The following MAD1L1 variants were observed in gnomAD, a reference collection of about 807,000 sequenced individuals.
MAD1L1 encodes mitotic arrest deficient 1 like 1.
A neutral mutation model predicts 96.9 loss-of-function variants in MAD1L1; 95 were observed. The ratio of observed to expected loss-of-function variants is 0.98; its 90% CI spans 0.83 to 1.16. The LOEUF (loss-of-function observed/expected upper bound fraction) is 1.16. MAD1L1 is among the 50% of genes most tolerant of loss of function. The probability of loss-of-function intolerance (pLI) is 0.00; values close to 1 mark genes in which losing one functional copy is unlikely to be tolerated. For synonymous variants in MAD1L1, 473 were observed against 396.6 expected (o/e 1.19, Z -2.29); for missense variants, 1,007 against 954.4 (o/e 1.06, Z -0.73).
intron 11 of MAD1L1, among the ~76,000 whole-genome samples, chr7:2,115,606 G>A (rs1787644086): frequency 6.6e-6 from 1 of 151,442 alleles, no homozygotes; most frequent in Non-Finnish European, 1.5e-5. Flanking sequence ...CAGGGTCCCC[G>A]CGTGTTCCCC....
intron 18 of MAD1L1, among the ~76,000 whole-genome samples, chr7:1,843,503 C>T (rs1227477753): frequency 6.6e-6 from 1 of 152,172 alleles, no homozygotes; most frequent in Non-Finnish European, 1.5e-5. Flanking sequence ...CGCGCTTCCC[C>T]GTGTCTGACT....
chr7:2,042,197 G>A (rs1335232824), intron 12 of MAD1L1, among the ~76,000 whole-genome samples: 1 of 147,066 alleles, frequency 6.8e-6, no homozygotes, highest in Non-Finnish European at 1.5e-5. Context: ...ACACGCACAT[G>A]GACACAGACA....
chr7:1,856,962 T>C (rs1161671414), intron 18 of MAD1L1, among the ~76,000 whole-genome samples: 1 of 152,114 alleles, frequency 6.6e-6, no homozygotes, highest in East Asian at 1.9e-4. Flanking sequence ...TCCTGTTTCC[T>C]GGACCCCCCA....
intron 11 of MAD1L1, among the ~76,000 whole-genome samples, chr7:2,080,615 G>A (rs1184154468): frequency 6.7e-6 from 1 of 149,216 alleles, no homozygotes; most frequent in African/African-American, 2.5e-5. Context: ...CCAAATGGGA[G>A]CAGGACTCAA....
In MAD1L1 at chr7:2,023,810, G is replaced by A. The variant is rs568250775; in HGVS notation, c.1219-9168C>T. ...CTAAAAATACAAAAATTAGCCAGGC[G>A]TGGTGGCAGGTACCTGTAATCCCAG... On this transcript the variant is annotated intron_variant, in intron 12 of 18. Coordinates refer to ENST00000265854, the MANE Select transcript of MAD1L1 (RefSeq NM_001013836.2). Among the ~76,000 whole-genome samples, 17 of 152,060 alleles carry A rather than the reference G, an allele frequency of 1.1e-4. No homozygotes were observed. The East Asian group carries it at 1.2e-3, about 10-fold the overall frequency.
intron 14 of MAD1L1, among the ~76,000 whole-genome samples, chr7:1,988,276 C>T (rs902403325): frequency 2.0e-5 from 3 of 152,188 alleles, no homozygotes; most frequent in African/African-American, 7.2e-5. Context: ...CCCACACCTC[C>T]CAGGGGCAAC....
intron 18 of MAD1L1, among the ~76,000 whole-genome samples, chr7:1,890,153 G>A (rs530443021): frequency 1.3e-5 from 2 of 152,348 alleles, no homozygotes; most frequent in East Asian, 3.9e-4. Context: ...GGGTATGGTG[G>A]GCTCGGATCC....
At chr7:1,881,690 C>A (rs1785689954) in intron 18 of MAD1L1, among the ~76,000 whole-genome samples, 1 of 152,116 alleles carries the variant, frequency 6.6e-6, no homozygotes, top group Non-Finnish European at 1.5e-5. Context: ...GTCGAAGGGA[C>A]AGAGCAGGAA....
chr7:1,912,047 A>G (rs1335032340), intron 17 of MAD1L1, among the ~76,000 whole-genome samples: 1 of 152,226 alleles, frequency 6.6e-6, no homozygotes, highest in Non-Finnish European at 1.5e-5. Flanking sequence ...GACGGGAACC[A>G]TGGCCAAACC....
intron 11 of MAD1L1, among the ~76,000 whole-genome samples, chr7:2,074,276 G>A (rs1428059613): frequency 1.3e-5 from 2 of 152,164 alleles, no homozygotes; most frequent in Admixed American, 1.3e-4. Flanking sequence ...ATCTCACGGC[G>A]GGTGCAGGTA....
intron 18 of MAD1L1, among the ~76,000 whole-genome samples, chr7:1,828,728 C>G (rs527250971): frequency 2.0e-5 from 3 of 151,884 alleles, no homozygotes; most frequent in Non-Finnish European, 4.4e-5. Context: ...CACAGGCACA[C>G]GCACACATGC....
At chr7:1,955,909 G>A (rs150737718) in intron 16 of MAD1L1, among the ~76,000 whole-genome samples, 1,975 of 143,414 alleles carry the variant, frequency 0.014, 36 homozygotes, top group African/African-American at 0.048. Flanking sequence ...CAGATGAAAC[G>A]AACTATTTTG....
chr7:1,887,723 A>G (rs1481453609), intron 18 of MAD1L1, among the ~76,000 whole-genome samples: 1 of 138,640 alleles, frequency 7.2e-6, no homozygotes, highest in Non-Finnish European at 1.5e-5. Context: ...GTGTGCATAC[A>G]TGCATGTATG....
chr7:2,015,692 A>G (rs1782507748), intron 12 of MAD1L1, among the ~76,000 whole-genome samples: 2 of 152,170 alleles, frequency 1.3e-5, no homozygotes, highest in African/African-American at 4.8e-5. Flanking sequence ...CAGGCTGGCG[A>G]CCTTCTCCTG....
chr7:2,084,824 C>T (rs1352347224), intron 11 of MAD1L1, among the ~76,000 whole-genome samples: 1 of 152,140 alleles, frequency 6.6e-6, no homozygotes, highest in Non-Finnish European at 1.5e-5. Context: ...GGGCCAAGCA[C>T]GGGGGCAGGA....
intron 11 of MAD1L1, among the ~76,000 whole-genome samples, chr7:2,091,455 G>C (rs936699606): frequency 5.3e-5 from 8 of 152,220 alleles, no homozygotes; most frequent in Non-Finnish European, 8.8e-5. Flanking sequence ...GCTGGGGTCT[G>C]GCTTTTCTCA....
At chr7:1,952,872 A>G (rs1461707451) in intron 16 of MAD1L1, among the ~76,000 whole-genome samples, 1 of 152,236 alleles carries the variant, frequency 6.6e-6, no homozygotes, top group Non-Finnish European at 1.5e-5. Flanking sequence ...CACATGCGTT[A>G]CTAAGAGTCC....
intron 11 of MAD1L1, among the ~76,000 whole-genome samples, chr7:2,129,245 C>T (rs780487435): frequency 8.5e-5 from 13 of 152,196 alleles, no homozygotes; most frequent in Non-Finnish European, 1.8e-4. Flanking sequence ...CAACACCAGG[C>T]AGGCCAGGGG....
rs577326391 is a variant in MAD1L1, at chr7:1,888,229, CATGT to C, written c.1998+9967_1998+9970del. Among the ~76,000 whole-genome samples the C allele has an allele frequency of 3.2e-3, 439 of 137,352 alleles. 5 individuals are homozygous for C. Among genetic ancestry groups the C allele is most frequent in the Admixed American group, 0.015 (208 of 13,736 alleles). The allele number at this position is 137,352 out of a possible 152,430, so 90.1% of individuals were successfully genotyped here. A position where few individuals can be genotyped will look rare whatever the true frequency, so the allele number is the denominator to read the frequency against. ...GCCTGTGCATGTGTGTGCATGCATG[CATGT>C]ATGTGGCTGCCTATGCATCTGTATG... On this transcript the variant is annotated intron_variant, in intron 18 of 18. Coordinates refer to ENST00000265854, the MANE Select transcript of MAD1L1 (RefSeq NM_001013836.2).
Sources: allele counts gnomAD v4.1 joint callset (sites outside exome capture counted in the v4.1 genomes callset), GRCh38; gene constraint gnomAD v4.1.1; transcripts MANE v1.5; gene names NCBI Gene and HGNC (gene_info 2026-07-23, HGNC 2026-07-21).